SIMC1: variants seen among roughly 807,000 people sequenced by gnomAD.
SIMC1 encodes SUMO interacting motifs containing 1, also known as SUMO-interacting motif-containing protein 1.
In SIMC1, 55 loss-of-function variants were observed where a neutral mutation model predicts 82.3. The observed-to-expected ratio is 0.67, with a 90% CI of 0.54 to 0.84. The LOEUF (loss-of-function observed/expected upper bound fraction) is 0.84. Ranked by LOEUF, SIMC1 falls within the 40% of genes least tolerant of loss-of-function variation. The pLI, the probability that SIMC1 is intolerant of heterozygous loss-of-function variation, is 0.00. For missense variants in SIMC1, 915 were observed against 1,107.2 expected (o/e 0.83, Z 2.46); for synonymous variants, 353 against 426.3 (o/e 0.83, Z 2.12).
chr5:176,305,903 G>T (rs1415116305), intron 4 of SIMC1, among the ~76,000 whole-genome samples: 7 of 88,604 alleles, frequency 7.9e-5, no homozygotes, highest in African/African-American at 1.4e-4. Flanking sequence ...CGGGAGGTGA[G>T]GGGCGCTTCT....
chr5:176,255,894 G>T (rs2113133157), intron 1 of SIMC1, among the ~76,000 whole-genome samples: 1 of 152,100 alleles, frequency 6.6e-6, no homozygotes, highest in South Asian at 2.1e-4. Flanking sequence ...AGATGAAAAA[G>T]TTAAAAGAGA....
chr5:176,279,265 T>C (rs1214147636), intron 1 of SIMC1, among the ~76,000 whole-genome samples: 1 of 152,234 alleles, frequency 6.6e-6, no homozygotes, highest in Non-Finnish European at 1.5e-5. Flanking sequence ...TCTCTGATGG[T>C]TCTTTGTGTA....
At chr5:176,310,146 A>G (rs969766779) in intron 4 of SIMC1, among the ~76,000 whole-genome samples, 2 of 152,222 alleles carry the variant, frequency 1.3e-5, no homozygotes, top group Admixed American at 1.3e-4. Context: ...AAAAAATAGT[A>G]AAAATACCAA....
chr5:176,308,431 C>A, intron 4 of SIMC1: 3 of 1,607,468 alleles, frequency 1.9e-6, no homozygotes, highest in Non-Finnish European at 2.6e-6. Flanking sequence ...TGGTATCATT[C>A]CCATCCTCAT....
rs2113090887 is a variant in SIMC1, at chr5:176,240,232, G to A, written c.129+1595G>A. On this transcript the variant is annotated intron_variant, in intron 1 of 9. Coordinates refer to ENST00000429602, the MANE Select transcript of SIMC1 (RefSeq NM_001308195.2). ...GAGTAGAGAGAGAAAAAAGGTGGAA[G>A]GGAAAAAATACTTCTTTCCTCCTAG... is the stretch of plus-strand genomic sequence containing the variant. Among the ~76,000 whole-genome samples, 2 of 92,880 alleles carry A rather than the reference G, an allele frequency of 2.2e-5. 1 individual carries two copies. Among genetic ancestry groups the A allele is most frequent in the Non-Finnish European group, 4.8e-5 (2 of 41,600 alleles). The allele number at this position is 92,880 out of a possible 152,430, so 60.9% of individuals were successfully genotyped here. A position where few individuals can be genotyped will look rare whatever the true frequency, so the allele number is the denominator to read the frequency against.
chr5:176,277,668 G>A (rs1762776703), intron 1 of SIMC1, among the ~76,000 whole-genome samples: 1 of 151,986 alleles, frequency 6.6e-6, no homozygotes, highest in Non-Finnish European at 1.5e-5. Flanking sequence ...TCTACATATG[G>A]CTAGCCGGTT....
chr5:176,342,107 C>T (rs560141735), intron 9 of SIMC1, among the ~76,000 whole-genome samples: 8 of 152,342 alleles, frequency 5.3e-5, no homozygotes, highest in Non-Finnish European at 1.2e-4. Context: ...TAAGTTTCCC[C>T]TGTCCCACCC....
intron 1 of SIMC1, among the ~76,000 whole-genome samples, chr5:176,248,147 G>C (rs1310614822): frequency 6.6e-6 from 1 of 152,124 alleles, no homozygotes; most frequent in Non-Finnish European, 1.5e-5. Context: ...TGTGAAGAAA[G>C]TCAGTGGCAG....
chr5:176,291,330 A>ATTTT (rs70991527), intron 2 of SIMC1, among the ~76,000 whole-genome samples: 3 of 71,610 alleles, frequency 4.2e-5, no homozygotes, highest in Admixed American at 1.7e-4. Flanking sequence ...TGCCCGGCTA[A>ATTTT]TTTTTTTTTT....
chr5:176,280,080 A>C (rs1762919419), intron 1 of SIMC1, among the ~76,000 whole-genome samples: 1 of 152,020 alleles, frequency 6.6e-6, no homozygotes, highest in Non-Finnish European at 1.5e-5. Context: ...GGGGTGTTAA[A>C]GTCTCCCATT....
chr5:176,329,166 G>A (rs559821088), intron 7 of SIMC1, among the ~76,000 whole-genome samples: 77 of 150,226 alleles, frequency 5.1e-4, no homozygotes, highest in Non-Finnish European at 7.7e-4. Context: ...GACCGTCACC[G>A]CAGTCAAGAT....
At chr5:176,341,066 GA>G (rs1766117839) in intron 9 of SIMC1, among the ~76,000 whole-genome samples, 1 of 152,182 alleles carries the variant, frequency 6.6e-6, no homozygotes, top group African/African-American at 2.4e-5. Flanking sequence ...AGAATTGGTT[GA>G]ACCCGGGAGG....
intron 4 of SIMC1, among the ~76,000 whole-genome samples, chr5:176,302,902 G>A (rs1764102702): frequency 6.6e-6 from 1 of 152,168 alleles, no homozygotes; most frequent in South Asian, 2.1e-4. Context: ...AAAGAAATTA[G>A]ACACCAATAA....
rs146338184 is a variant in SIMC1 at position 176,313,526 on chromosome 5, T to G, written c.1735-165T>G. 73 of 1,557,482 alleles carry G rather than the reference T, an allele frequency of 4.7e-5. No individual in the cohort carries two copies. The East Asian group carries it at 1.6e-3, about 34-fold the overall frequency. On this transcript the variant is annotated intron_variant, in intron 4 of 9. Coordinates refer to ENST00000429602, the MANE Select transcript of SIMC1 (RefSeq NM_001308195.2). ...CAGTCACCCTATTTGTCCTCTCTCA[T>G]AATGACCCAGACTACCTGCCCTCTC...
rs1399123271 is a variant in SIMC1 at position 176,306,908 on chromosome 5, T to TA, written c.1735-6776dup. 2.9e-4 allele frequency among the ~76,000 whole-genome samples: 24 copies of TA among 84,168 alleles called. No homozygotes were observed. In the South Asian group the frequency reaches 7.2e-3, roughly 25 times the overall value. The allele number at this position is 84,168 out of a possible 152,430, so 55.2% of individuals were successfully genotyped here. On this transcript the variant is annotated intron_variant, in intron 4 of 9. Coordinates refer to ENST00000429602, the MANE Select transcript of SIMC1 (RefSeq NM_001308195.2). ...GTGAGAAACACCCAAGAATTATCAA[T>TA]AAAAAAATAAATTAAAAAAAAAAAA...
intron 1 of SIMC1, among the ~76,000 whole-genome samples, chr5:176,255,602 A>C (rs1761827836): frequency 6.6e-6 from 1 of 150,386 alleles, no homozygotes; most frequent in South Asian, 2.1e-4. Flanking sequence ...TTTTTTAAAG[A>C]AAAAGAGCTA....
chr5:176,296,482 A>G (rs2113284554), intron 4 of SIMC1, 162 bp downstream of exon 4: 3 of 970,796 alleles, frequency 3.1e-6, no homozygotes, highest in Non-Finnish European at 4.6e-6. Flanking sequence ...TGGGCAACAA[A>G]ATGAGACCCT....
chr5:176,311,334 C>T (rs1017774950), intron 4 of SIMC1, among the ~76,000 whole-genome samples: 5 of 152,132 alleles, frequency 3.3e-5, no homozygotes, highest in Non-Finnish European at 7.4e-5. Flanking sequence ...ACCTCTTGAA[C>T]TCAAGTGATC....
chr5:176,289,838 G>A lies in SIMC1; in HGVS notation c.314G>A (p.Gly105Asp). 1.2e-6 allele frequency: 2 copies of A among 1,613,968 alleles called. No individual in the cohort carries two copies. The highest frequency in any genetic ancestry group is 1.7e-5 in the Admixed American group (1 of 60,018). The change falls in exon 2 of 10, where the codon GGC (glycine) becomes GAC (aspartate). Residue 105 changes from glycine to aspartate, a missense_variant. Transcript: ENST00000429602. ...CTTCAGACATGTGCCAGCCTCTCTG[G>A]CAAAGCGGTGATGGAAGGGCACGTG... ...TSLQTCASLS[G>D]KAVMEGHVDR...
Sources: allele counts gnomAD v4.1 joint callset (sites outside exome capture counted in the v4.1 genomes callset), GRCh38; gene constraint gnomAD v4.1.1; transcripts MANE v1.5; gene names NCBI Gene and HGNC (gene_info 2026-07-23, HGNC 2026-07-21).